MAP2K5: variants seen among roughly 807,000 people sequenced by gnomAD.
MAP2K5 encodes the protein mitogen-activated protein kinase kinase 5, also known as dual specificity mitogen-activated protein kinase kinase 5.
MAP2K5 carries 49 observed loss-of-function variants against 83.1 expected under a neutral mutation model. The ratio of observed to expected loss-of-function variants is 0.59; its 90% CI spans 0.47 to 0.75. The LOEUF is 0.75. MAP2K5 is among the 30% of genes least tolerant of loss of function. MAP2K5 has a pLI of 0.00. For synonymous variants in MAP2K5, 202 were observed against 191.8 expected (o/e 1.05, Z -0.44); for missense variants, 457 against 557.5 (o/e 0.82, Z 1.82).
rs1567336910 is a variant in MAP2K5, at chr15:67,652,248, A to G, written c.736+5779A>G. On this transcript the variant is annotated intron_variant, in intron 11 of 21. Coordinates refer to ENST00000178640, the MANE Select transcript of MAP2K5 (RefSeq NM_145160.3). The surrounding 1 kb of genome is among the most constrained non-coding windows in gnomAD (Gnocchi z 4.2). Reference sequence around the variant, plus strand: ...GTGCGTGTTTTTTTTAAATTATGATATAATACTCATACAAAAATTTTAACC... The same window carrying G: ...GTGCGTGTTTTTTTTAAATTATGATGTAATACTCATACAAAAATTTTAACC... Among the ~76,000 whole-genome samples, 1 of 152,116 alleles carries G rather than the reference A, an allele frequency of 6.6e-6. No homozygotes were observed. The highest frequency in any genetic ancestry group is 1.5e-5 in the Non-Finnish European group (1 of 68,034).
At position 67,652,127 on chromosome 15, in the gene MAP2K5, A is replaced by AT. The variant is rs144216776; in HGVS notation, c.736+5664dup. Among the ~76,000 whole-genome samples the AT allele has an allele frequency of 4.6e-5, 7 of 152,214 alleles. No individual in the cohort carries two copies. In the East Asian group the frequency reaches 1.2e-3, roughly 25 times the overall value. On this transcript the variant is annotated intron_variant, in intron 11 of 21. Transcript: ENST00000178640. The surrounding 1 kb of genome is among the most constrained non-coding windows in gnomAD (Gnocchi z 4.2). ...TCCCTGGTGATTAGTGATGTCAAAC[A>AT]TTTTTTCAAATGCCTTACGTTGATT...
Position 67,646,410 on chromosome 15 carries a change from G to A in MAP2K5, c.677G>A (p.Gly226Glu), listed in dbSNP as rs1172219303. ...LYKCDSSYII[G>E]FYGAFFVENR... ...CAGTGCGATTCATCATATATCATTG[G>A]ATTTTATGGAGCATTTTTTGTAGAA... Residue 226 changes from glycine (G) to glutamate (E), a missense_variant, in exon 11 of 22, where the codon GGA becomes GAA. By Grantham distance (98) the Gly-to-Glu change is moderately conservative. This residue lies in a region of MAP2K5 where 168 missense variants were observed against 263.0 expected (regional missense o/e 0.64). Coordinates refer to ENST00000178640, the MANE Select transcript of MAP2K5 (RefSeq NM_145160.3). 6 of 1,600,192 alleles carry A rather than the reference G, an allele frequency of 3.7e-6. No individual in the cohort carries two copies. In the Admixed American group the frequency reaches 1.0e-4, roughly 27 times the overall value.
chr15:67,651,732 C>T (rs1949473976), intron 11 of MAP2K5, among the ~76,000 whole-genome samples: 1 of 152,024 alleles, frequency 6.6e-6, no homozygotes, highest in Non-Finnish European at 1.5e-5. Flanking sequence ...TGTTTATGTA[C>T]CACATTTTCT....
rs1281201736 is a variant in MAP2K5 at position 67,781,769 on chromosome 15, G to A, written c.1242+9017G>A. ...TTGACTCTTAATTGTTAGCCTGTGT[G>A]TGTCTTAGCTTCCTCAGAAGGCTTC... On this transcript the variant is annotated intron_variant, in intron 21 of 21. Coordinates refer to ENST00000178640, the MANE Select transcript of MAP2K5 (RefSeq NM_145160.3). This position sits in a 1 kb window ranked among gnomAD's most constrained non-coding sequence, Gnocchi z 4.0. Among the ~76,000 whole-genome samples the A allele has an allele frequency of 6.6e-6, 1 of 152,186 alleles. No homozygotes were observed. Among genetic ancestry groups the A allele is most frequent in the Non-Finnish European group, 1.5e-5 (1 of 68,032 alleles).
At chr15:67,589,681 T>C (rs184300485) in intron 6 of MAP2K5, among the ~76,000 whole-genome samples, 17 of 152,262 alleles carry the variant, frequency 1.1e-4, no homozygotes, top group African/African-American at 4.1e-4. Flanking sequence ...TGGGCTTTGT[T>C]TGGTTATTTG....
intron 17 of MAP2K5, 104 bp downstream of exon 17, chr15:67,728,049 T>C: frequency 1.0e-6 from 1 of 975,006 alleles, no homozygotes; most frequent in East Asian, 2.4e-5. Flanking sequence ...AATAAATCTG[T>C]CCTGTTAAAT....
chr15:67,691,221 G>A (rs2088106688), intron 13 of MAP2K5, among the ~76,000 whole-genome samples: 1 of 152,162 alleles, frequency 6.6e-6, no homozygotes, highest in South Asian at 2.1e-4. Flanking sequence ...GGGGCTGGGA[G>A]TACAGTAGTC....
At chr15:67,707,153 G>A (rs1414354562) in intron 16 of MAP2K5, among the ~76,000 whole-genome samples, 2 of 152,210 alleles carry the variant, frequency 1.3e-5, no homozygotes, top group Non-Finnish European at 2.9e-5. Flanking sequence ...CTGACCTTGT[G>A]ATCTGCCCGT....
At chr15:67,687,703 T>C (rs2087991408) in intron 13 of MAP2K5, among the ~76,000 whole-genome samples, 2 of 152,208 alleles carry the variant, frequency 1.3e-5, no homozygotes, top group African/African-American at 4.8e-5. Flanking sequence ...TGGAGCTCCT[T>C]CTCAGGCCAA....
chr15:67,629,197 A>G lies in MAP2K5; in HGVS notation c.546-1691A>G, dbSNP rs376881929. 168 of 657,108 alleles carry G rather than the reference A, an allele frequency of 2.6e-4. No individual in the cohort carries two copies. The African/African-American group carries it at 2.8e-3, about 11-fold the overall frequency. 40.7% of individuals were successfully genotyped at this position (657,108 alleles called of 1,614,324 possible). ...GCTAGAGAAGTGACGGGGAAGCTAC[A>G]GGTTACAACAGATTTGTGAACTCAG... On this transcript the variant is annotated intron_variant, in intron 8 of 21. Coordinates refer to ENST00000178640, the MANE Select transcript of MAP2K5 (RefSeq NM_145160.3).
chr15:67,780,891 T>A lies in MAP2K5; in HGVS notation c.1242+8139T>A, dbSNP rs1010565667. ...TGACCAGGTGGTGATCAGCAGCACA[T>A]ATGATCTTTGGTATGCATTCTGACC... On this transcript the variant is annotated intron_variant, in intron 21 of 21. Transcript: ENST00000178640. This position sits in a 1 kb window ranked among gnomAD's most constrained non-coding sequence, Gnocchi z 5.0. 6.6e-6 allele frequency among the ~76,000 whole-genome samples: 1 copy of A among 152,208 alleles called. No individual in the cohort carries two copies. The highest frequency in any genetic ancestry group is 1.5e-5 in the Non-Finnish European group (1 of 68,030).
At chr15:67,697,194 T>G (rs2088286482) in intron 15 of MAP2K5, among the ~76,000 whole-genome samples, 1 of 152,166 alleles carries the variant, frequency 6.6e-6, no homozygotes, top group Admixed American at 6.5e-5. Context: ...TACCCTCATT[T>G]TATGTATTTC....
chr15:67,550,831 G>A (rs578192414), intron 2 of MAP2K5, among the ~76,000 whole-genome samples: 9 of 150,658 alleles, frequency 6.0e-5, no homozygotes, highest in Non-Finnish European at 8.8e-5. Flanking sequence ...GAGGGCAGTG[G>A]TGCGATCTTA....
At chr15:67,629,209 AT>A in intron 8 of MAP2K5, 5 of 647,688 alleles carry the variant, frequency 7.7e-6, no homozygotes, top group South Asian at 5.8e-5. Context: ...GTTACAACAG[AT>A]TTGTGAACTC....
chr15:67,649,094 C>T (rs1395898385), intron 11 of MAP2K5, among the ~76,000 whole-genome samples: 1 of 152,130 alleles, frequency 6.6e-6, no homozygotes, highest in Non-Finnish European at 1.5e-5. Context: ...TGTAGTGTGA[C>T]ATGGTATCCC....
At chr15:67,547,433 G>T (rs1463608769) in intron 1 of MAP2K5, among the ~76,000 whole-genome samples, 1 of 149,170 alleles carries the variant, frequency 6.7e-6, no homozygotes, top group Non-Finnish European at 1.5e-5. Context: ...ATCAAAATAT[G>T]TAAACTTCGG....
At position 67,636,715 on chromosome 15, in the gene MAP2K5, G is replaced by A. The variant is rs1438130078; in HGVS notation, c.585+5788G>A. 6.6e-6 allele frequency among the ~76,000 whole-genome samples: 1 copy of A among 152,074 alleles called. No homozygotes were observed. The highest frequency in any genetic ancestry group is 1.5e-5 in the Non-Finnish European group (1 of 68,002). Reference sequence around the variant, plus strand: ...TTTTTGCTCTGCTATAAATATTTTTGAACTTTATTCTGAGATTGTGGTGGG... The same window carrying A: ...TTTTTGCTCTGCTATAAATATTTTTAAACTTTATTCTGAGATTGTGGTGGG... On this transcript the variant is annotated intron_variant, in intron 9 of 21. Transcript: ENST00000178640. This position sits in a 1 kb window ranked among gnomAD's most constrained non-coding sequence, Gnocchi z 4.7.
Position 67,614,736 on chromosome 15 carries a change from A to G in MAP2K5, c.545+13987A>G, listed in dbSNP as rs146858171. ...CAACTTGTGGAAGAAATATGGAGGTAGTGATGACCACATTAACTCTGAGGC... is the reference window on the plus strand; with the variant it reads ...CAACTTGTGGAAGAAATATGGAGGTGGTGATGACCACATTAACTCTGAGGC... On this transcript the variant is annotated intron_variant, in intron 8 of 21. Coordinates refer to ENST00000178640, the MANE Select transcript of MAP2K5 (RefSeq NM_145160.3). 2.1e-3 allele frequency among the ~76,000 whole-genome samples: 313 copies of G among 152,336 alleles called. 1 individual carries two copies. Among genetic ancestry groups the G allele is most frequent in the African/African-American group, 7.4e-3 (306 of 41,578 alleles).
Position 67,755,954 on chromosome 15 carries a change from C to A in MAP2K5, c.1134+7353C>A, listed in dbSNP as rs529379288. ...TTCTTGCTCATGACTCAATTGTCCA[C>A]CCTCTTTCCATTGTCCTCCCCACAT... On this transcript the variant is annotated intron_variant, in intron 19 of 21. Transcript: ENST00000178640. The surrounding 1 kb of genome is among the most constrained non-coding windows in gnomAD (Gnocchi z 4.7). 6.6e-6 allele frequency among the ~76,000 whole-genome samples: 1 copy of A among 152,282 alleles called. No individual in the cohort carries two copies. The highest frequency in any genetic ancestry group is 1.9e-4 in the East Asian group (1 of 5,176).
Sources: allele counts gnomAD v4.1 joint callset (sites outside exome capture counted in the v4.1 genomes callset), GRCh38; gene constraint gnomAD v4.1.1; regional missense constraint gnomAD v4.1.1; non-coding constraint Gnocchi (gnomAD v3.1); transcripts MANE v1.5; gene names NCBI Gene and HGNC (gene_info 2026-07-23, HGNC 2026-07-21).